Variants in FHIP1A observed in about 807,000 individuals in gnomAD.
The protein encoded by FHIP1A is FHF complex subunit HOOK-interacting protein 1A.
A neutral mutation model predicts 88.6 loss-of-function variants in FHIP1A; 61 were observed. That is an observed-to-expected ratio of 0.69 (90% CI 0.56 to 0.85). The LOEUF (loss-of-function observed/expected upper bound fraction) is 0.85. FHIP1A is among the 40% of genes least tolerant of loss of function. The pLI is 0.00. For missense variants in FHIP1A, 1,154 were observed against 1,273.5 expected (o/e 0.91, Z 1.43); for synonymous variants, 478 against 496.0 (o/e 0.96, Z 0.48).
intron 2 of FHIP1A, among the ~76,000 whole-genome samples, chr4:151,479,875 A>C (rs1172954165): frequency 6.6e-6 from 1 of 152,004 alleles, no homozygotes; most frequent in Non-Finnish European, 1.5e-5. Flanking sequence ...ATGAGCTTTA[A>C]ATTTTGTTCC....
intron 7 of FHIP1A, among the ~76,000 whole-genome samples, chr4:151,592,237 C>T (rs1231671894): frequency 2.0e-5 from 3 of 152,088 alleles, no homozygotes; most frequent in South Asian, 2.1e-4. Context: ...CAGGTTCATG[C>T]GATTCTCCTG....
intron 1 of FHIP1A, among the ~76,000 whole-genome samples, chr4:151,424,934 T>C (rs1007422518): frequency 6.6e-6 from 1 of 152,208 alleles, no homozygotes; most frequent in Non-Finnish European, 1.5e-5. Context: ...ACCATTTTGT[T>C]ACCTCCAATG....
intron 3 of FHIP1A, among the ~76,000 whole-genome samples, chr4:151,492,902 A>G (rs192748896): frequency 6.6e-6 from 1 of 152,210 alleles, no homozygotes; most frequent in Non-Finnish European, 1.5e-5. Flanking sequence ...ACAAATAGAT[A>G]ATCTAAGGTC....
chr4:151,459,582 G>T (rs577895363), intron 2 of FHIP1A, among the ~76,000 whole-genome samples: 1 of 152,336 alleles, frequency 6.6e-6, no homozygotes, highest in African/African-American at 2.4e-5. Flanking sequence ...TATCATTTAA[G>T]AATTTGGCCA....
At chr4:151,590,803 A>G (rs1420782206) in intron 7 of FHIP1A, among the ~76,000 whole-genome samples, 1 of 152,254 alleles carries the variant, frequency 6.6e-6, no homozygotes, top group Non-Finnish European at 1.5e-5. Context: ...CCCATAATTA[A>G]AATATGAGAG....
intron 2 of FHIP1A, among the ~76,000 whole-genome samples, chr4:151,462,011 A>T (rs75147600): frequency 0.02 from 3,107 of 152,190 alleles, 105 homozygotes; most frequent in African/African-American, 0.07. Flanking sequence ...AATATTAAAA[A>T]ATTAGCCAGG....
intron 7 of FHIP1A, among the ~76,000 whole-genome samples, chr4:151,625,919 G>T (rs1159144921): frequency 6.6e-6 from 1 of 152,210 alleles, no homozygotes; most frequent in Non-Finnish European, 1.5e-5. Context: ...ACGGGTTATA[G>T]CCTGGAGCAT....
Position 151,656,412 on chromosome 4 carries a change from T to C in FHIP1A, c.2730+2T>C. 6.4e-7 allele frequency: 1 copy of C among 1,551,494 alleles called. No homozygotes were observed. Among genetic ancestry groups the C allele is most frequent in the South Asian group, 1.2e-5 (1 of 84,050 alleles). On this transcript the variant is annotated splice_donor_variant, in intron 12 of 13. Coordinates refer to ENST00000435205, the MANE Select transcript of FHIP1A (RefSeq NM_001109977.3). LOFTEE classifies it high-confidence loss of function. The surrounding 1 kb of genome is among the most constrained non-coding windows in gnomAD (Gnocchi z 4.2). ...CCAAGCGTCCGCTCTCTCTATCAGG[T>C]ATGTTAGCTGAACCCACATCCACAC...
intron 1 of FHIP1A, among the ~76,000 whole-genome samples, chr4:151,419,568 C>CTTTTTTTTTTTTTTTTTTT (rs70941499): frequency 4.5e-5 from 1 of 21,984 alleles, no homozygotes; most frequent in Admixed American, 6.0e-4. Context: ...GTTCCTCATT[C>CTTTTTTTTTTTTTTTTTTT]TTTTTTTTTT....
chr4:151,434,752 T>C (rs552082340), intron 1 of FHIP1A, among the ~76,000 whole-genome samples: 1 of 152,350 alleles, frequency 6.6e-6, no homozygotes, highest in South Asian at 2.1e-4. Context: ...CCAATCAGTG[T>C]ATGCAGATCT....
intron 3 of FHIP1A, among the ~76,000 whole-genome samples, chr4:151,484,721 TG>T (rs1452374581): frequency 1.3e-5 from 2 of 152,234 alleles, no homozygotes; most frequent in Admixed American, 1.3e-4. Context: ...AATTTGGTTG[TG>T]TTCTCAGAAC....
intron 3 of FHIP1A, among the ~76,000 whole-genome samples, chr4:151,482,946 G>T (rs1729952608): frequency 6.6e-6 from 1 of 152,170 alleles, no homozygotes; most frequent in African/African-American, 2.4e-5. Context: ...AACTCATTTA[G>T]AACTTGGGTG....
chr4:151,418,195 A>AAAG, intron 1 of FHIP1A, among the ~76,000 whole-genome samples: 1 of 150,644 alleles, frequency 6.6e-6, no homozygotes, highest in Non-Finnish European at 1.5e-5. Flanking sequence ...AAAAAAAAAA[A>AAAG]CAAGAGAAAC....
In FHIP1A at chr4:151,473,649, G is replaced by A. The variant is rs933557617; in HGVS notation, c.-247-8875G>A. ...AAAGCTTAAAGGGCAAACTTATCAG[G>A]TTATACTTTACAGTTTTGCAGTTTT... is the stretch of plus-strand genomic sequence containing the variant. On this transcript the variant is annotated intron_variant, in intron 2 of 13. Coordinates refer to ENST00000435205, the MANE Select transcript of FHIP1A (RefSeq NM_001109977.3). 2.0e-5 allele frequency among the ~76,000 whole-genome samples: 3 copies of A among 152,082 alleles called. No homozygotes were observed. The South Asian group carries it at 6.2e-4, about 32-fold the overall frequency.
At chr4:151,635,620 T>C (rs956590607) in intron 8 of FHIP1A, among the ~76,000 whole-genome samples, 1 of 151,896 alleles carries the variant, frequency 6.6e-6, no homozygotes, top group African/African-American at 2.4e-5. Context: ...CGAAGTGAAG[T>C]AAGCCAGTCA....
At chr4:151,640,286 G>A (rs1045858480) in intron 9 of FHIP1A, among the ~76,000 whole-genome samples, 1 of 152,186 alleles carries the variant, frequency 6.6e-6, no homozygotes, top group Non-Finnish European at 1.5e-5. Context: ...CTATTGTGGA[G>A]GGCCTTACAG....
At chr4:151,557,972 T>G (rs1052903520) in intron 3 of FHIP1A, among the ~76,000 whole-genome samples, 1 of 152,188 alleles carries the variant, frequency 6.6e-6, no homozygotes, top group Non-Finnish European at 1.5e-5. Context: ...GGGAGAGACA[T>G]TGAGAATGTA....
chr4:151,431,413 T>TA (rs977223690), intron 1 of FHIP1A, among the ~76,000 whole-genome samples: 2 of 152,160 alleles, frequency 1.3e-5, no homozygotes, highest in African/African-American at 2.4e-5. Context: ...TTATTGTTTT[T>TA]AAAAAAATCA....
chr4:151,622,328 A>G (rs188033666), intron 7 of FHIP1A, among the ~76,000 whole-genome samples: 2 of 152,282 alleles, frequency 1.3e-5, no homozygotes, highest in Admixed American at 1.3e-4. Flanking sequence ...TCCCTTTATA[A>G]TGAGGAGTAC....
Sources: gnomAD v4.1 joint callset for allele counts (sites outside exome capture counted in the v4.1 genomes callset) on GRCh38, gnomAD v4.1.1 for gene constraint, Gnocchi (gnomAD v3.1) non-coding constraint, MANE v1.5 for transcripts, NCBI Gene and HGNC (gene_info 2026-07-23, HGNC 2026-07-21) for gene names.